Variants in IRAK1BP1 observed in about 807,000 individuals in gnomAD.
IRAK1BP1 encodes the protein interleukin-1 receptor-associated kinase 1-binding protein 1.
Under a neutral mutation model 28.0 loss-of-function variants are expected in IRAK1BP1, and 24 were observed. The observed-to-expected ratio is 0.86, with a 90% CI of 0.62 to 1.20. IRAK1BP1 has a LOEUF of 1.20. IRAK1BP1 is among the 50% of genes most tolerant of loss of function. The pLI is 0.00. For missense variants in IRAK1BP1, 336 were observed against 316.7 expected, an observed-to-expected ratio of 1.06 and a Z score of -0.46; for synonymous variants, 131 against 116.3, an observed-to-expected ratio of 1.13 and a Z score of -0.81.
At chr6:78,913,785 A>G (rs1204999898) in intron 4 of IRAK1BP1, among the ~76,000 whole-genome samples, 1 of 152,238 alleles carries the variant, frequency 6.6e-6, no homozygotes, top group Non-Finnish European at 1.5e-5. Context: ...AACTATTTAT[A>G]TCAAAGGAAT....
intron 2 of IRAK1BP1, among the ~76,000 whole-genome samples, chr6:78,893,793 C>T (rs1286545241): frequency 6.6e-6 from 1 of 151,958 alleles, no homozygotes; most frequent in African/African-American, 2.4e-5. Flanking sequence ...GTCCCAGCTA[C>T]TCAGGAGGCT....
At chr6:78,883,991 C>G (rs1415782673) in intron 1 of IRAK1BP1, among the ~76,000 whole-genome samples, 1 of 152,058 alleles carries the variant, frequency 6.6e-6, no homozygotes, top group Non-Finnish European at 1.5e-5. Flanking sequence ...GAATTTATCC[C>G]CTGTAGATAA....
chr6:78,965,747 G>T, the IRAK1BP1 span: 1 of 1,560,134 alleles, frequency 6.4e-7, no homozygotes, highest in Non-Finnish European at 8.8e-7. Context: ...CATCTTTTCT[G>T]TATCTCCATT....
rs996397009 is a variant in IRAK1BP1 at position 78,877,576 on chromosome 6, C to T, written c.316-7802C>T. Among the ~76,000 whole-genome samples the T allele has an allele frequency of 9.2e-5, 14 of 152,222 alleles. No individual in the cohort carries two copies. The East Asian group carries it at 1.5e-3, about 17-fold the overall frequency. On this transcript the variant is annotated intron_variant, in intron 1 of 3. Coordinates refer to ENST00000369940, the MANE Select transcript of IRAK1BP1 (RefSeq NM_001010844.4). ...CTCCCAGCGTGAGCGATGCAGAAGA[C>T]GGGTGATTTCTGCATTTCCAACTGA...
At chr6:78,914,138 T>TA (rs1263380619) in intron 4 of IRAK1BP1, among the ~76,000 whole-genome samples, 1 of 152,106 alleles carries the variant, frequency 6.6e-6, no homozygotes, top group Non-Finnish European at 1.5e-5. Context: ...ATTAATAAAT[T>TA]AATTAACTCA....
At chr6:78,884,380 G>T (rs1049064190) in intron 1 of IRAK1BP1, among the ~76,000 whole-genome samples, 1 of 152,100 alleles carries the variant, frequency 6.6e-6, no homozygotes, top group Non-Finnish European at 1.5e-5. Context: ...CCCAAAGAAT[G>T]AGAGTAGCTG....
intron 4 of IRAK1BP1, among the ~76,000 whole-genome samples, chr6:78,908,127 T>C (rs1471788152): frequency 1.3e-5 from 2 of 151,836 alleles, no homozygotes; most frequent in Non-Finnish European, 2.9e-5. Flanking sequence ...CTTGGCTCAC[T>C]GCCACCTCTG....
chr6:78,918,532 G>T (rs563052834), intron 4 of IRAK1BP1, among the ~76,000 whole-genome samples: 410 of 125,454 alleles, frequency 3.3e-3, no homozygotes, highest in Non-Finnish European at 5.4e-3. Flanking sequence ...AAAAGCAGAG[G>T]TCATGGTTGT....
the IRAK1BP1 span, chr6:78,955,671 C>G: frequency 1.9e-6 from 2 of 1,049,906 alleles, no homozygotes; most frequent in Non-Finnish European, 2.9e-6. Flanking sequence ...TATGTTATAA[C>G]AAGTCTGATC....
chr6:78,879,039 C>T (rs972184001), intron 1 of IRAK1BP1, among the ~76,000 whole-genome samples: 4 of 152,154 alleles, frequency 2.6e-5, no homozygotes, highest in South Asian at 4.2e-4. Flanking sequence ...CTGAAAGTGA[C>T]GGGGAGAATG....
In IRAK1BP1 at chr6:78,897,825, A is replaced by G. The variant is rs1771947272; in HGVS notation, c.382-4A>G. On this transcript the variant is annotated splice_region_variant and splice_polypyrimidine_tract_variant and intron_variant, in intron 2 of 3. Transcript: ENST00000369940. ...AAAATAATATCGTGTCATTTCATTTACAGGTCTGCATTACATTTACTGAAT... is the reference window on the plus strand; with the variant it reads ...AAAATAATATCGTGTCATTTCATTTGCAGGTCTGCATTACATTTACTGAAT... The G allele has an allele frequency of 6.2e-7, 1 of 1,610,078 alleles. No homozygotes were observed.
In IRAK1BP1 at chr6:78,902,802, ACAT is replaced by A; in HGVS notation, c.*4469_*4471del. The A allele has an allele frequency of 1.5e-5, 7 of 481,478 alleles. No homozygotes were observed. The highest frequency in any genetic ancestry group is 3.2e-5 in the South Asian group (1 of 31,640). The allele number at this position is 481,478 out of a possible 1,614,324, so 29.8% of individuals were successfully genotyped here. A position where few individuals can be genotyped will look rare whatever the true frequency, so the allele number is the denominator to read the frequency against. On this transcript the variant is annotated 3_prime_UTR_variant, in exon 4 of 4. Coordinates refer to ENST00000369940, the MANE Select transcript of IRAK1BP1 (RefSeq NM_001010844.4). ...TACATACATACATACATACATACAT[ACAT>A]ACATACATACATACATAAAATGCCC...
chr6:78,952,280 G>A, the IRAK1BP1 span, among the ~76,000 whole-genome samples: 2 of 151,844 alleles, frequency 1.3e-5, no homozygotes, highest in Admixed American at 6.6e-5. Context: ...TTAGTTGGGC[G>A]TGGTGGCATG....
At chr6:78,937,757 AGCTATGTATCTATT>A (rs945275968) in intron 4 of IRAK1BP1, 2 of 151,776 alleles carry the variant, frequency 1.3e-5, no homozygotes, top group African/African-American at 4.8e-5. Flanking sequence ...AATTTTAAAA[AGCTATGTATCTATT>A]GCCCAGGGCT....
intron 2 of IRAK1BP1, 39 bp from the exon 3 acceptor site, chr6:78,897,790 A>C: frequency 1.9e-6 from 3 of 1,586,882 alleles, no homozygotes; most frequent in Non-Finnish European, 2.6e-6. Flanking sequence ...GAAACAGTAC[A>C]TCAGACATGA....
the IRAK1BP1 span, chr6:78,978,742 A>C: frequency 6.5e-7 from 1 of 1,546,378 alleles, no homozygotes; most frequent in Non-Finnish European, 8.9e-7. Flanking sequence ...ATTGTTAAGT[A>C]ATAATCAAAA....
At chr6:78,906,187 T>A (rs974687088), downstream of IRAK1BP1, among the ~76,000 whole-genome samples, 1 of 152,156 alleles carries the variant, frequency 6.6e-6, no homozygotes, top group Non-Finnish European at 1.5e-5. Flanking sequence ...TTATATATGC[T>A]GGAATAAATT....
At chr6:78,972,444 A>T in the IRAK1BP1 span, among the ~76,000 whole-genome samples, 1 of 152,204 alleles carries the variant, frequency 6.6e-6, no homozygotes, top group South Asian at 2.1e-4. Context: ...AGAACAGAAA[A>T]ACTGGAAACT....
the IRAK1BP1 span, among the ~76,000 whole-genome samples, chr6:78,965,209 A>G: frequency 1.3e-5 from 2 of 152,188 alleles, no homozygotes; most frequent in African/African-American, 2.4e-5. Flanking sequence ...TTAATCTTCA[A>G]AGTAGCCCTA....
Sources: allele counts gnomAD v4.1 joint callset (sites outside exome capture counted in the v4.1 genomes callset), GRCh38; gene constraint gnomAD v4.1.1; transcripts MANE v1.5; gene names NCBI Gene and HGNC (gene_info 2026-07-23, HGNC 2026-07-21).